TBC1D32: variants seen among roughly 807,000 people sequenced by gnomAD.
TBC1D32 encodes the protein protein broad-minded.
In TBC1D32, 151 loss-of-function variants were observed where a neutral mutation model predicts 170.3. The observed-to-expected ratio is 0.89, with a 90% CI of 0.78 to 1.01. The LOEUF is 1.01. Among genes scored for constraint, TBC1D32 ranks in the 50% least tolerant of loss-of-function variants. TBC1D32 has a pLI of 0.00. For synonymous variants in TBC1D32, 498 were observed against 488.0 expected, an observed-to-expected ratio of 1.02 and a Z score of -0.27; for missense variants, 1,464 against 1,457.1, an observed-to-expected ratio of 1.00 and a Z score of -0.08.
At chr6:121,125,358 C>A (rs975497754) in intron 26 of TBC1D32, among the ~76,000 whole-genome samples, 1 of 152,126 alleles carries the variant, frequency 6.6e-6, no homozygotes, top group African/African-American at 2.4e-5. Flanking sequence ...GGAACTCTGG[C>A]CAGGAATCAG....
chr6:121,103,111 T>C (rs1015644435), intron 30 of TBC1D32, among the ~76,000 whole-genome samples: 7 of 151,948 alleles, frequency 4.6e-5, no homozygotes, highest in Non-Finnish European at 1.0e-4. Flanking sequence ...TGTGGAGAAA[T>C]AGGAACACTT....
At chr6:121,311,713 G>A (rs1200417934) in intron 3 of TBC1D32, among the ~76,000 whole-genome samples, 2 of 141,364 alleles carry the variant, frequency 1.4e-5, no homozygotes, top group African/African-American at 2.8e-5. Context: ...GCAACTGAGT[G>A]AGACTCCACC....
chr6:121,330,660 A>T (rs1473423839), intron 1 of TBC1D32, among the ~76,000 whole-genome samples: 1 of 152,160 alleles, frequency 6.6e-6, no homozygotes, highest in East Asian at 1.9e-4. Flanking sequence ...TTTGCTTTAA[A>T]ACCTCCAGGG....
intron 21 of TBC1D32, among the ~76,000 whole-genome samples, chr6:121,216,442 C>T (rs149860222): frequency 1.2e-4 from 18 of 152,214 alleles, no homozygotes; most frequent in African/African-American, 4.1e-4. Flanking sequence ...CTGACTAATA[C>T]AGATTTTGGT....
At chr6:121,122,055 C>T (rs1780322548) in intron 26 of TBC1D32, among the ~76,000 whole-genome samples, 1 of 152,066 alleles carries the variant, frequency 6.6e-6, no homozygotes, top group South Asian at 2.1e-4. Context: ...CTTTCCTATT[C>T]TTCCTCTCAA....
chr6:121,293,814 G>A (rs1478076843), intron 11 of TBC1D32, among the ~76,000 whole-genome samples: 1 of 152,132 alleles, frequency 6.6e-6, no homozygotes, highest in Non-Finnish European at 1.5e-5. Flanking sequence ...GGGAGGCTGA[G>A]GCAGGAGAGT....
chr6:121,300,610 A>G (rs2128474613), intron 9 of TBC1D32, among the ~76,000 whole-genome samples: 1 of 152,302 alleles, frequency 6.6e-6, no homozygotes, highest in Admixed American at 6.5e-5. Context: ...AGGCAATACC[A>G]TTCAGGACAT....
At chr6:121,303,539 A>G (rs113660985) in intron 9 of TBC1D32, 78 bp downstream of exon 9, 17,707 of 1,130,600 alleles carry the variant, frequency 0.016, 174 homozygotes, top group Middle Eastern at 0.028. Flanking sequence ...CTTAGCACAC[A>G]GTATTCAAAC....
At chr6:121,094,513 A>C (rs1334246822) in intron 30 of TBC1D32, among the ~76,000 whole-genome samples, 3 of 152,144 alleles carry the variant, frequency 2.0e-5, no homozygotes, top group Admixed American at 1.3e-4. Flanking sequence ...ACAACCTAGA[A>C]TTCTAATAGG....
chr6:121,147,765 T>G (rs559364487), intron 24 of TBC1D32, among the ~76,000 whole-genome samples: 20 of 152,072 alleles, frequency 1.3e-4, no homozygotes, highest in Non-Finnish European at 2.6e-4. Flanking sequence ...CTAATTTTTT[T>G]GTATTTTTAG....
At chr6:121,253,429 A>T (rs1024533275) in intron 17 of TBC1D32, among the ~76,000 whole-genome samples, 2 of 152,166 alleles carry the variant, frequency 1.3e-5, no homozygotes, top group African/African-American at 4.8e-5. Flanking sequence ...GCCGTAATTA[A>T]AAAGTCAAGG....
At chr6:121,285,003 A>C (rs1235813102) in intron 12 of TBC1D32, among the ~76,000 whole-genome samples, 1 of 152,196 alleles carries the variant, frequency 6.6e-6, no homozygotes, top group African/African-American at 2.4e-5. Context: ...ATCAATGAGA[A>C]GAAAAGATTT....
In TBC1D32 at chr6:121,140,738, C is replaced by A. The variant is rs533884001; in HGVS notation, c.2774-8986G>T. Among the ~76,000 whole-genome samples, 3 of 151,890 alleles carry A rather than the reference C, an allele frequency of 2.0e-5. No individual in the cohort carries two copies. The East Asian group carries it at 5.8e-4, about 29-fold the overall frequency. On this transcript the variant is annotated intron_variant, in intron 24 of 31. Transcript: ENST00000398212. ...AGGATGTAATGCTAACAATGCACAC[C>A]TTTTATGTGCCATAAAAATGTAAAG...
Position 121,136,648 on chromosome 6 carries a change from G to A in TBC1D32, c.2774-4896C>T, listed in dbSNP as rs140350742. Among the ~76,000 whole-genome samples, 15 of 152,264 alleles carry A rather than the reference G, an allele frequency of 9.9e-5. No individual in the cohort carries two copies. The East Asian group carries it at 2.9e-3, about 29-fold the overall frequency. ...ATTAATGGTAGTATGCAAGTGGGTG[G>A]AGAGAAGCTGACTGCAAAAGACAAA... On this transcript the variant is annotated intron_variant, in intron 24 of 31. Coordinates refer to ENST00000398212, the MANE Select transcript of TBC1D32 (RefSeq NM_152730.6).
At chr6:121,082,117 T>C (rs1253263512) in intron 31 of TBC1D32, among the ~76,000 whole-genome samples, 5 of 152,080 alleles carry the variant, frequency 3.3e-5, no homozygotes. Flanking sequence ...TCTCTTATTA[T>C]ACGTAAGGTT....
chr6:121,115,297 C>T (rs1470873715), intron 26 of TBC1D32, 56 bp from the exon 27 acceptor site: 4 of 1,288,056 alleles, frequency 3.1e-6, no homozygotes, highest in Admixed American at 2.5e-5. Context: ...ATAATAATCA[C>T]ATTTTAATTG....
intron 22 of TBC1D32, among the ~76,000 whole-genome samples, chr6:121,201,695 C>T (rs917481339): frequency 6.6e-6 from 1 of 150,896 alleles, no homozygotes; most frequent in Non-Finnish European, 1.5e-5. Flanking sequence ...GGCAACTGTA[C>T]TATAATTCTA....
chr6:121,250,795 T>C (rs6907975), intron 17 of TBC1D32, among the ~76,000 whole-genome samples: 129,349 of 152,000 alleles, frequency 0.85, 55,801 homozygotes, highest in Middle Eastern at 0.95. Flanking sequence ...GGAAGTCAAA[T>C]TTTCTCTGCA....
intron 21 of TBC1D32, among the ~76,000 whole-genome samples, chr6:121,218,549 G>A (rs1256492148): frequency 6.6e-6 from 1 of 152,128 alleles, no homozygotes; most frequent in Non-Finnish European, 1.5e-5. Flanking sequence ...CTTAATCTGG[G>A]TAGGCACCCT....
Sources: allele counts gnomAD v4.1 joint callset (sites outside exome capture counted in the v4.1 genomes callset), GRCh38; gene constraint gnomAD v4.1.1; transcripts MANE v1.5; gene names NCBI Gene and HGNC (gene_info 2026-07-23, HGNC 2026-07-21).